Variants in DNAJC11 observed in about 807,000 individuals in gnomAD.
The protein encoded by DNAJC11 is dnaJ homolog subfamily C member 11.
In DNAJC11, 15 loss-of-function variants were observed where a neutral mutation model predicts 78.6. The ratio of observed to expected loss-of-function variants is 0.19; its 90% CI spans 0.13 to 0.29. DNAJC11 has a LOEUF of 0.29. Among genes scored for constraint, DNAJC11 ranks in the 10% least tolerant of loss-of-function variants. DNAJC11 has a pLI of 1.00. For synonymous variants in DNAJC11, 292 were observed against 272.1 expected, an observed-to-expected ratio of 1.07 and a Z score of -0.72; for missense variants, 547 against 709.6, an observed-to-expected ratio of 0.77 and a Z score of 2.60.
At position 6,680,496 on chromosome 1, in the gene DNAJC11, A is replaced by C. The variant is rs891366231; in HGVS notation, c.202+412T>G. Among the ~76,000 whole-genome samples the C allele has an allele frequency of 2.6e-5, 4 of 152,218 alleles. No individual in the cohort carries two copies. Among genetic ancestry groups the C allele is most frequent in the African/African-American group, 9.6e-5 (4 of 41,452 alleles). On this transcript the variant is annotated intron_variant, in intron 2 of 15. Coordinates refer to ENST00000377577, the MANE Select transcript of DNAJC11 (RefSeq NM_018198.4). This position sits in a 1 kb window ranked among gnomAD's most constrained non-coding sequence, Gnocchi z 4.0. ...AACATCATTTTCTTTCTTTTATTACAACCGATAACTGCTTCAGAACCAATA... is the reference window on the plus strand; with the variant it reads ...AACATCATTTTCTTTCTTTTATTACCACCGATAACTGCTTCAGAACCAATA...
chr1:6,688,802 A>G (rs1308154666), intron 1 of DNAJC11, among the ~76,000 whole-genome samples: 2 of 152,222 alleles, frequency 1.3e-5, no homozygotes, highest in Non-Finnish European at 2.9e-5. Context: ...TGACCAAACC[A>G]GCAGGCGTAA....
intron 1 of DNAJC11, among the ~76,000 whole-genome samples, chr1:6,682,358 G>T (rs1298316218): frequency 3.9e-5 from 6 of 152,088 alleles, no homozygotes; most frequent in Admixed American, 6.6e-5. Flanking sequence ...GAAAGCCAGG[G>T]TATTTGTGCG....
intron 7 of DNAJC11, among the ~76,000 whole-genome samples, chr1:6,650,054 T>C (rs1355381656): frequency 6.7e-6 from 1 of 150,056 alleles, no homozygotes; most frequent in Non-Finnish European, 1.5e-5. Flanking sequence ...GAGGCCAAGG[T>C]GGGAGGATCA....
rs1473530040 is a variant in DNAJC11, at chr1:6,694,245, C to G, written c.72+7484G>C. On this transcript the variant is annotated intron_variant, in intron 1 of 15. Coordinates refer to ENST00000377577, the MANE Select transcript of DNAJC11 (RefSeq NM_018198.4). Reference sequence around the variant, plus strand: ...TGCAAATATAACCTTTCCCCTCCCCCTCACCAGACATCTTCTATGGGGCAA... The same window carrying G: ...TGCAAATATAACCTTTCCCCTCCCCGTCACCAGACATCTTCTATGGGGCAA... 3.3e-5 allele frequency among the ~76,000 whole-genome samples: 5 copies of G among 152,150 alleles called. No individual in the cohort carries two copies. The East Asian group carries it at 7.7e-4, about 23-fold the overall frequency.
chr1:6,701,086 T>C (rs1257117704), intron 1 of DNAJC11, among the ~76,000 whole-genome samples: 3 of 152,200 alleles, frequency 2.0e-5, no homozygotes, highest in East Asian at 3.9e-4. Context: ...ACCACTTTTC[T>C]GGCCTAGGGC....
At chr1:6,672,185 A>G (rs1485214790) in intron 3 of DNAJC11, among the ~76,000 whole-genome samples, 1 of 152,202 alleles carries the variant, frequency 6.6e-6, no homozygotes, top group Non-Finnish European at 1.5e-5. Context: ...TATTAGTTTT[A>G]AAAAATGCAG....
intron 7 of DNAJC11, among the ~76,000 whole-genome samples, chr1:6,646,447 G>C (rs1050688063): frequency 6.6e-6 from 1 of 152,190 alleles, no homozygotes; most frequent in East Asian, 1.9e-4. Context: ...TGGGCTTGGA[G>C]TGCTAAGTGT....
At chr1:6,693,491 C>G (rs1471545896) in intron 1 of DNAJC11, among the ~76,000 whole-genome samples, 2 of 152,028 alleles carry the variant, frequency 1.3e-5, no homozygotes, top group South Asian at 4.1e-4. Context: ...TCAACCAATT[C>G]TCTTGCCTCA....
chr1:6,690,362 C>T (rs1197546620), intron 1 of DNAJC11, among the ~76,000 whole-genome samples: 1 of 152,202 alleles, frequency 6.6e-6, no homozygotes, highest in Non-Finnish European at 1.5e-5. Flanking sequence ...TGCACTCCCA[C>T]TTCATTCCCA....
rs562159199 is a variant in DNAJC11 at position 6,653,079 on chromosome 1, T to G, written c.508-128A>C. Reference sequence around the variant, plus strand: ...CGATTCCTCTGTTCAGAAGCACACATGGATGCAGAACTGCCGCAACAGCTT... The same window carrying G: ...CGATTCCTCTGTTCAGAAGCACACAGGGATGCAGAACTGCCGCAACAGCTT... On this transcript the variant is annotated intron_variant, in intron 5 of 15. Transcript: ENST00000377577. The surrounding 1 kb of genome is among the most constrained non-coding windows in gnomAD (Gnocchi z 4.5). The G allele has an allele frequency of 6.8e-5, 74 of 1,095,234 alleles. 1 individual carries two copies. The highest frequency in any genetic ancestry group is 4.7e-4 in the Middle Eastern group (2 of 4,248). The allele number at this position is 1,095,234 out of a possible 1,614,324, so 67.8% of individuals were successfully genotyped here. A position where few individuals can be genotyped will look rare whatever the true frequency, so the allele number is the denominator to read the frequency against.
intron 6 of DNAJC11, among the ~76,000 whole-genome samples, chr1:6,652,063 A>C (rs1642065016): frequency 6.6e-6 from 1 of 152,118 alleles, no homozygotes; most frequent in Admixed American, 6.6e-5. Flanking sequence ...CAGGAGCCTG[A>C]TGTTAAAGCC....
chr1:6,684,175 G>A (rs775730491), intron 1 of DNAJC11, among the ~76,000 whole-genome samples: 1 of 151,816 alleles, frequency 6.6e-6, no homozygotes, highest in African/African-American at 2.4e-5. Flanking sequence ...CTGCCTCCTG[G>A]GTTCAAGTAA....
At chr1:6,689,826 T>C (rs1463565273) in intron 1 of DNAJC11, among the ~76,000 whole-genome samples, 10 of 150,602 alleles carry the variant, frequency 6.6e-5, no homozygotes, top group Admixed American at 2.6e-4. Flanking sequence ...GAAAGGGCTA[T>C]GTAAGGAGGA....
intron 15 of DNAJC11, 140 bp from the exon 16 acceptor site, chr1:6,635,840 T>A: frequency 9.1e-7 from 1 of 1,104,178 alleles, no homozygotes; most frequent in Non-Finnish European, 1.3e-6. Context: ...GAAAATCAAC[T>A]GCTGCTGGAA....
intron 4 of DNAJC11, among the ~76,000 whole-genome samples, chr1:6,659,031 G>T (rs1190019698): frequency 1.3e-5 from 2 of 152,202 alleles, no homozygotes; most frequent in African/African-American, 4.8e-5. Flanking sequence ...GAAGACAGAG[G>T]TCCTCATCAC....
chr1:6,695,865 G>A (rs1642828172), intron 1 of DNAJC11, among the ~76,000 whole-genome samples: 1 of 151,688 alleles, frequency 6.6e-6, no homozygotes, highest in Non-Finnish European at 1.5e-5. Flanking sequence ...TTGAAGCATA[G>A]AACTTCCAGA....
intron 3 of DNAJC11, among the ~76,000 whole-genome samples, chr1:6,674,527 C>T (rs1375608372): frequency 5.3e-5 from 8 of 152,056 alleles, no homozygotes. Flanking sequence ...CGCCACTACA[C>T]TCAGCCTGGG....
chr1:6,637,176 G>A (rs1331573656), intron 14 of DNAJC11, 22 bp downstream of exon 14: 3 of 1,613,908 alleles, frequency 1.9e-6, no homozygotes, highest in East Asian at 4.5e-5. Context: ...CACATAGCAT[G>A]TGGTGGCTGG....
intron 10 of DNAJC11, among the ~76,000 whole-genome samples, chr1:6,642,137 G>A (rs1641887343): frequency 6.6e-6 from 1 of 152,152 alleles, no homozygotes; most frequent in Admixed American, 6.5e-5. Context: ...GCTCCAGGGG[G>A]TCAGGATGGC....
Sources: gnomAD v4.1 joint callset for allele counts (sites outside exome capture counted in the v4.1 genomes callset) on GRCh38, gnomAD v4.1.1 for gene constraint, Gnocchi (gnomAD v3.1) non-coding constraint, MANE v1.5 for transcripts, NCBI Gene and HGNC (gene_info 2026-07-23, HGNC 2026-07-21) for gene names.